FNBP1L: variants seen among roughly 807,000 people sequenced by gnomAD.
FNBP1L encodes the protein formin-binding protein 1-like.
FNBP1L carries 36 observed loss-of-function variants against 91.2 expected under a neutral mutation model. The ratio of observed to expected loss-of-function variants is 0.39; its 90% CI spans 0.30 to 0.52. The LOEUF (loss-of-function observed/expected upper bound fraction) is 0.52, where lower values mean the gene tolerates loss of function less well. Among genes scored for constraint, FNBP1L ranks in the 20% least tolerant of loss-of-function variants. The pLI, the probability that FNBP1L is intolerant of heterozygous loss-of-function variation, is 0.66. For missense variants in FNBP1L, 571 were observed against 732.1 expected (o/e 0.78, Z 2.54); for synonymous variants, 242 against 237.0 (o/e 1.02, Z -0.19).
intron 5 of FNBP1L, among the ~76,000 whole-genome samples, chr1:93,527,666 G>A (rs530014625): frequency 6.6e-6 from 1 of 152,134 alleles, no homozygotes; most frequent in Non-Finnish European, 1.5e-5. Flanking sequence ...TCACCCTAGA[G>A]GAAAATATCA....
chr1:93,509,917 G>T (rs1670762308), intron 2 of FNBP1L, among the ~76,000 whole-genome samples: 1 of 152,208 alleles, frequency 6.6e-6, no homozygotes, highest in Non-Finnish European at 1.5e-5. Flanking sequence ...CTTAAAAAAT[G>T]GCGCACCAGG....
At chr1:93,518,895 T>C (rs371188834) in intron 2 of FNBP1L, among the ~76,000 whole-genome samples, 16 of 152,330 alleles carry the variant, frequency 1.1e-4, no homozygotes, top group Non-Finnish European at 1.6e-4. Flanking sequence ...GCAACTGTTA[T>C]CTATTTTCTG....
chr1:93,527,006 T>C lies in FNBP1L; in HGVS notation c.406-2646T>C, dbSNP rs144315695. 1.9e-3 allele frequency among the ~76,000 whole-genome samples: 291 copies of C among 152,298 alleles called. 2 individuals are homozygous for C. Among genetic ancestry groups the C allele is most frequent in the African/African-American group, 6.7e-3 (280 of 41,576 alleles). On this transcript the variant is annotated intron_variant, in intron 5 of 16. Transcript: ENST00000271234. ...TTTCATAGCAAAGTGATTTTATGTA[T>C]GAGTATTTAAATATTTTAGGGGCTT...
intron 1 of FNBP1L, among the ~76,000 whole-genome samples, chr1:93,473,913 C>T (rs746188048): frequency 3.9e-5 from 6 of 152,020 alleles, no homozygotes; most frequent in Non-Finnish European, 7.3e-5. Flanking sequence ...GGCTGCGTGA[C>T]GGGATCTATG....
chr1:93,483,422 G>A (rs926464761), intron 1 of FNBP1L, among the ~76,000 whole-genome samples: 3 of 152,108 alleles, frequency 2.0e-5, no homozygotes, highest in Admixed American at 6.6e-5. Flanking sequence ...AGTAAGTCAT[G>A]AAAGAATAAA....
chr1:93,499,712 G>A (rs771115487), intron 2 of FNBP1L, 129 bp downstream of exon 2: 3 of 609,518 alleles, frequency 4.9e-6, no homozygotes, highest in East Asian at 3.0e-5. Context: ...TTAGGTAACC[G>A]GTTTGTTTTA....
At chr1:93,450,419 G>A (rs995351221) in intron 1 of FNBP1L, among the ~76,000 whole-genome samples, 5 of 152,118 alleles carry the variant, frequency 3.3e-5, no homozygotes, top group African/African-American at 9.7e-5. Flanking sequence ...GAGGATTTGA[G>A]GGAAACATTT....
chr1:93,499,691 A>G (rs1010767229), intron 2 of FNBP1L, 108 bp downstream of exon 2: 4 of 658,236 alleles, frequency 6.1e-6, no homozygotes, highest in Non-Finnish European at 1.0e-5. Flanking sequence ...TTTCATCAGA[A>G]TTAGATTGAA....
intron 1 of FNBP1L, among the ~76,000 whole-genome samples, chr1:93,451,946 G>A (rs952939803): frequency 6.6e-6 from 1 of 151,990 alleles, no homozygotes; most frequent in Non-Finnish European, 1.5e-5. Flanking sequence ...CACCGTGCCC[G>A]GTCTTCATCA....
chr1:93,494,861 A>G (rs1037569210), intron 1 of FNBP1L, among the ~76,000 whole-genome samples: 1 of 152,172 alleles, frequency 6.6e-6, no homozygotes, highest in Non-Finnish European at 1.5e-5. Flanking sequence ...CTTACATGGG[A>G]GCAGGCAAGA....
At chr1:93,481,495 A>G (rs940447739) in intron 1 of FNBP1L, among the ~76,000 whole-genome samples, 2 of 152,212 alleles carry the variant, frequency 1.3e-5, no homozygotes, top group Non-Finnish European at 2.9e-5. Context: ...CCCATTAATT[A>G]TGGGATAAAA....
chr1:93,499,661 C>G (rs1670380549), intron 2 of FNBP1L, 78 bp downstream of exon 2: 3 of 814,758 alleles, frequency 3.7e-6, no homozygotes, highest in Non-Finnish European at 5.8e-6. Context: ...TGTGATAGTC[C>G]AGAGGTTAAA....
intron 1 of FNBP1L, among the ~76,000 whole-genome samples, chr1:93,482,372 A>C (rs1288618175): frequency 1.3e-5 from 2 of 152,182 alleles, no homozygotes; most frequent in African/African-American, 2.4e-5. Flanking sequence ...TTTTCCATTT[A>C]GAGCCATTTT....
intron 1 of FNBP1L, among the ~76,000 whole-genome samples, chr1:93,465,817 C>G (rs879599733): frequency 3.9e-5 from 6 of 152,216 alleles, no homozygotes; most frequent in Non-Finnish European, 7.3e-5. Flanking sequence ...TACAGTCCCA[C>G]CAACAGTGTA....
At chr1:93,533,863 A>T (rs911295946) in intron 8 of FNBP1L, among the ~76,000 whole-genome samples, 2 of 152,198 alleles carry the variant, frequency 1.3e-5, no homozygotes, top group African/African-American at 4.8e-5. Context: ...TTAGCAAATT[A>T]TTGCTGAGGG....
chr1:93,474,907 C>T (rs950303518), intron 1 of FNBP1L, among the ~76,000 whole-genome samples: 1 of 152,162 alleles, frequency 6.6e-6, no homozygotes, highest in African/African-American at 2.4e-5. Context: ...TATGAACCTC[C>T]AATTCCTTAG....
intron 1 of FNBP1L, among the ~76,000 whole-genome samples, chr1:93,454,311 C>T (rs1321452573): frequency 3.4e-5 from 5 of 147,654 alleles, no homozygotes; most frequent in African/African-American, 1.2e-4. Context: ...ATTCATGAAC[C>T]TCTTGTGTGT....
chr1:93,456,315 T>C (rs1349482086), intron 1 of FNBP1L, among the ~76,000 whole-genome samples: 1 of 152,230 alleles, frequency 6.6e-6, no homozygotes, highest in Non-Finnish European at 1.5e-5. Context: ...AAATATCTCA[T>C]GAAAGACGGG....
chr1:93,453,154 G>T (rs758528976), intron 1 of FNBP1L, among the ~76,000 whole-genome samples: 1 of 152,126 alleles, frequency 6.6e-6, no homozygotes, highest in Non-Finnish European at 1.5e-5. Flanking sequence ...AAATCTTAGG[G>T]AAATTGTCAT....
Sources: gnomAD v4.1 joint callset for allele counts (sites outside exome capture counted in the v4.1 genomes callset) on GRCh38, gnomAD v4.1.1 for gene constraint, MANE v1.5 for transcripts, NCBI Gene and HGNC (gene_info 2026-07-23, HGNC 2026-07-21) for gene names.